SPINK8: variants seen among roughly 807,000 people sequenced by gnomAD.
SPINK8 encodes serine protease inhibitor Kazal-type 8.
Under a neutral mutation model 14.4 loss-of-function variants are expected in SPINK8, and 12 were observed. The ratio of observed to expected loss-of-function variants is 0.83; its 90% CI spans 0.53 to 1.35. The LOEUF is 1.35. SPINK8 is among the 40% of genes most tolerant of loss of function. The probability of loss-of-function intolerance (pLI) is 0.00; values close to 1 mark genes in which losing one functional copy is unlikely to be tolerated. For missense variants in SPINK8, 103 were observed against 117.0 expected (o/e 0.88, Z 0.55); for synonymous variants, 32 against 37.6 (o/e 0.85, Z 0.55).
chr3:48,320,061 C>T lies in SPINK8; in HGVS notation c.118-443G>A, dbSNP rs191108258. 2.6e-5 allele frequency among the ~76,000 whole-genome samples: 4 copies of T among 151,284 alleles called. No homozygotes were observed. In the East Asian group the frequency reaches 5.9e-4, roughly 22 times the overall value. On this transcript the variant is annotated intron_variant, in intron 5 of 7. Transcript: ENST00000434006. ...AGGAGAATGATGTGAACCTGGGAGG[C>T]GGAGCTTGCAGTGAGCCGAGATCGC... is the stretch of plus-strand genomic sequence containing the variant.
At chr3:48,310,567 A>T (rs1193553057) in intron 6 of SPINK8, among the ~76,000 whole-genome samples, 2 of 93,076 alleles carry the variant, frequency 2.1e-5, no homozygotes, top group Non-Finnish European at 5.9e-5. Flanking sequence ...GCACGATCTC[A>T]GCTCACTGCA....
intron 2 of SPINK8, among the ~76,000 whole-genome samples, 104 bp from the exon 3 acceptor site, chr3:48,329,378 A>T (rs1425621781): frequency 6.6e-6 from 1 of 152,228 alleles, no homozygotes; most frequent in Admixed American, 6.5e-5. Flanking sequence ...TTGTGAGTTC[A>T]TATTTCAAAT....
At chr3:48,314,147 C>T (rs1358540744) in intron 6 of SPINK8, among the ~76,000 whole-genome samples, 1 of 152,098 alleles carries the variant, frequency 6.6e-6, no homozygotes, top group African/African-American at 2.4e-5. Flanking sequence ...TATGCATTTG[C>T]ACCCATTTAT....
chr3:48,317,047 A>T (rs1018141675), intron 6 of SPINK8, among the ~76,000 whole-genome samples: 2 of 152,244 alleles, frequency 1.3e-5, no homozygotes, highest in Non-Finnish European at 2.9e-5. Context: ...CAGTATAAAC[A>T]TATTTTTGTT....
intron 3 of SPINK8, 73 bp from the exon 4 acceptor site, chr3:48,328,427 C>T: frequency 9.3e-7 from 1 of 1,074,150 alleles, no homozygotes; most frequent in Non-Finnish European, 1.4e-6. Flanking sequence ...AGATCCCTCA[C>T]TGACCAGGAA....
At chr3:48,325,100 C>T (rs1662022687) in intron 4 of SPINK8, among the ~76,000 whole-genome samples, 2 of 152,068 alleles carry the variant, frequency 1.3e-5, no homozygotes, top group African/African-American at 4.8e-5. Flanking sequence ...ATTAGTATAG[C>T]CATTCCAACT....
chr3:48,327,436 A>T (rs2036161235), intron 4 of SPINK8, among the ~76,000 whole-genome samples: 1 of 152,206 alleles, frequency 6.6e-6, no homozygotes, highest in African/African-American at 2.4e-5. Context: ...GGAAAGGGTG[A>T]TTTGCAAGAA....
chr3:48,319,497 A>C lies in SPINK8; in HGVS notation c.239T>G (p.Leu80Arg), dbSNP rs1443035594. 6.2e-7 allele frequency: 1 copy of C among 1,613,834 alleles called. No homozygotes were observed. The highest frequency in any genetic ancestry group is 8.5e-7 in the Non-Finnish European group (1 of 1,179,834). ...SSDCHLCSKILFEGLNITKLY... is the reference protein window; with the variant it reads ...SSDCHLCSKIRFEGLNITKLY... ...AAGGGAGAACAAAATTAGGACTTAC[A>C]GAATTTTGGAGCACAGATGGCAGTC... Residue 80 changes from leucine to arginine, a missense_variant and splice_region_variant, in exon 6 of 8, where the codon CTA becomes CGA. Physicochemically the swap from Leu to Arg is moderately radical, Grantham distance 102. Transcript: ENST00000434006.
chr3:48,322,790 TCA>T (rs1373023683), intron 4 of SPINK8, among the ~76,000 whole-genome samples: 1 of 152,242 alleles, frequency 6.6e-6, no homozygotes. Flanking sequence ...TAAATAATAT[TCA>T]ATGTATGTAT....
intron 7 of SPINK8, among the ~76,000 whole-genome samples, chr3:48,307,534 G>GCC (rs1365598443): frequency 2.7e-5 from 2 of 73,084 alleles, no homozygotes; most frequent in African/African-American, 1.3e-4. Context: ...CTCCCTATCT[G>GCC]CCCCCCACCC....
intron 3 of SPINK8, among the ~76,000 whole-genome samples, 34 bp downstream of exon 3, chr3:48,329,119 C>T (rs1483693322): frequency 6.6e-6 from 1 of 152,200 alleles, no homozygotes; most frequent in Non-Finnish European, 1.5e-5. Flanking sequence ...TAATACAACC[C>T]TTAAAAGTTT....
At chr3:48,313,241 T>C (rs909010312) in intron 6 of SPINK8, among the ~76,000 whole-genome samples, 2 of 152,178 alleles carry the variant, frequency 1.3e-5, no homozygotes, top group Admixed American at 1.3e-4. Flanking sequence ...AATCATAGTA[T>C]TTAGTATTCA....
chr3:48,320,547 C>CA (rs60928111), intron 5 of SPINK8, among the ~76,000 whole-genome samples: 2,089 of 136,918 alleles, frequency 0.015, 37 homozygotes, highest in African/African-American at 0.049. Context: ...GACTCCGTCT[C>CA]AAAAAAAAAA....
In SPINK8 at chr3:48,306,862, A is replaced by C; in HGVS notation, c.*130T>G. ...CCAGGTTTTCTGCTAAGAATCATTT[A>C]TTGAAGACATAAATCAACGAGTTTG... On this transcript the variant is annotated 3_prime_UTR_variant, in exon 8 of 8. Transcript: ENST00000434006. 1.2e-6 allele frequency: 1 copy of C among 868,122 alleles called. No homozygotes were observed. Among genetic ancestry groups the C allele is most frequent in the Non-Finnish European group, 1.8e-6 (1 of 558,778 alleles). The allele number at this position is 868,122 out of a possible 1,614,324, so 53.8% of individuals were successfully genotyped here. A position where few individuals can be genotyped will look rare whatever the true frequency, so the allele number is the denominator to read the frequency against.
chr3:48,326,322 G>C (rs557487059), intron 4 of SPINK8, among the ~76,000 whole-genome samples: 1 of 152,126 alleles, frequency 6.6e-6, no homozygotes, highest in Non-Finnish European at 1.5e-5. Context: ...AAAATGTGTG[G>C]TCTGGCCGGG....
chr3:48,319,285 T>A (rs2036036095), intron 6 of SPINK8, among the ~76,000 whole-genome samples: 1 of 152,126 alleles, frequency 6.6e-6, no homozygotes, highest in Admixed American at 6.5e-5. Flanking sequence ...CTCACCTTAG[T>A]GGATTTCTGT....
intron 5 of SPINK8, 39 bp downstream of exon 5, chr3:48,320,986 C>A: frequency 6.4e-7 from 1 of 1,569,576 alleles, no homozygotes; most frequent in Admixed American, 1.9e-5. Context: ...TGGCTCTCTC[C>A]CCATTCCTGT....
chr3:48,317,538 C>T lies in SPINK8; in HGVS notation c.239+1959G>A, dbSNP rs762611987. Among the ~76,000 whole-genome samples the T allele has an allele frequency of 5.1e-4, 78 of 152,044 alleles. 1 individual carries two copies. The Middle Eastern group carries it at 0.014, about 27-fold the overall frequency. On this transcript the variant is annotated intron_variant, in intron 6 of 7. Coordinates refer to ENST00000434006, the MANE Select transcript of SPINK8 (RefSeq NM_001080525.3). ...TATTTATTTATTTATTTATTTGAGACGGAGTCTCACTTTGTCACCCAGGCT... is the reference window on the plus strand; with the variant it reads ...TATTTATTTATTTATTTATTTGAGATGGAGTCTCACTTTGTCACCCAGGCT...
chr3:48,319,375 G>T, intron 6 of SPINK8, 122 bp downstream of exon 6: 1 of 1,145,086 alleles, frequency 8.7e-7, no homozygotes, highest in Non-Finnish European at 1.2e-6. Context: ...ACAAATACTG[G>T]AGGAATGTCT....
Sources: allele counts gnomAD v4.1 joint callset (sites outside exome capture counted in the v4.1 genomes callset), GRCh38; gene constraint gnomAD v4.1.1; transcripts MANE v1.5; gene names NCBI Gene and HGNC (gene_info 2026-07-23, HGNC 2026-07-21).